The following MAPK10 variants were observed in gnomAD, a reference collection of about 807,000 sequenced individuals.
MAPK10 encodes mitogen-activated protein kinase 10, also known as JNK3 alpha protein kinase.
In MAPK10, 25 loss-of-function variants were observed where a neutral mutation model predicts 59.3. That is an observed-to-expected ratio of 0.42 (90% CI 0.31 to 0.59). The LOEUF (loss-of-function observed/expected upper bound fraction) is 0.59. Among genes scored for constraint, MAPK10 ranks in the 20% least tolerant of loss-of-function variants. The pLI, the probability that MAPK10 is intolerant of heterozygous loss-of-function variation, is 0.15. For synonymous variants in MAPK10, 190 were observed against 200.5 expected, an observed-to-expected ratio of 0.95 and a Z score of 0.44; for missense variants, 351 against 568.9, an observed-to-expected ratio of 0.62 and a Z score of 3.90.
At chr4:86,413,357 A>G (rs1171738004) in intron 1 of MAPK10, among the ~76,000 whole-genome samples, 1 of 152,154 alleles carries the variant, frequency 6.6e-6, no homozygotes, top group Non-Finnish European at 1.5e-5. Flanking sequence ...CAGGCTACAC[A>G]GGGGCCAGGG....
Position 86,017,434 on chromosome 4 carries a change from C to T in MAPK10, c.1253-64G>A. 1 of 1,581,766 alleles carries T rather than the reference C, an allele frequency of 6.3e-7. No individual in the cohort carries two copies. Among genetic ancestry groups the T allele is most frequent in the Non-Finnish European group, 8.7e-7 (1 of 1,155,596 alleles). ...GAACCAGACCCATCTTAATGCCATT[C>T]AGGATTCAGGGATGGGCAAATACAA... is the stretch of plus-strand genomic sequence containing the variant. On this transcript the variant is annotated intron_variant, in intron 13 of 13. Coordinates refer to ENST00000641462, the MANE Select transcript of MAPK10 (RefSeq NM_138982.4). This position sits in a 1 kb window ranked among gnomAD's most constrained non-coding sequence, Gnocchi z 4.4.
intron 1 of MAPK10, among the ~76,000 whole-genome samples, chr4:86,574,506 G>C (rs1228578309): frequency 6.6e-6 from 1 of 151,784 alleles, no homozygotes; most frequent in Non-Finnish European, 1.5e-5. Context: ...GGCTGAACTA[G>C]TTTACAGTCC....
At chr4:86,397,012 T>G (rs1743032183) in intron 1 of MAPK10, among the ~76,000 whole-genome samples, 1 of 152,152 alleles carries the variant, frequency 6.6e-6, no homozygotes, top group African/African-American at 2.4e-5. Context: ...AAATTAAAAT[T>G]ACATATGTGG....
chr4:86,167,855 A>G (rs1474912171), intron 3 of MAPK10, among the ~76,000 whole-genome samples: 1 of 152,210 alleles, frequency 6.6e-6, no homozygotes, highest in Non-Finnish European at 1.5e-5. Flanking sequence ...CCTATTAAAC[A>G]TAGCAATGGA....
chr4:86,404,101 T>G (rs1402138030), intron 1 of MAPK10, among the ~76,000 whole-genome samples: 1 of 152,182 alleles, frequency 6.6e-6, no homozygotes, highest in Non-Finnish European at 1.5e-5. Flanking sequence ...TATTGTGAAC[T>G]CCCCAGATTA....
In MAPK10 at chr4:86,425,425, T is replaced by C. The variant is rs555195142; in HGVS notation, c.-122+27605A>G. Among the ~76,000 whole-genome samples the C allele has an allele frequency of 6.3e-5, 8 of 126,256 alleles. No individual in the cohort carries two copies. In the South Asian group the frequency reaches 2.0e-3, roughly 31 times the overall value. 82.8% of individuals were successfully genotyped at this position (126,256 alleles called of 152,430 possible). A position where few individuals can be genotyped will look rare whatever the true frequency, so the allele number is the denominator to read the frequency against. The stretch of plus-strand genomic sequence containing the variant: ...AAAATGACTCCAGGTAATTTTCTAT[T>C]TTTCTGTATTAAAAAAAAACTTTAG... On this transcript the variant is annotated intron_variant, in intron 1 of 13. Coordinates refer to the MAPK10 transcript ENST00000361569.
At chr4:86,256,660 T>C (rs547640832) in intron 2 of MAPK10, among the ~76,000 whole-genome samples, 1 of 152,096 alleles carries the variant, frequency 6.6e-6, no homozygotes, top group East Asian at 1.9e-4. Context: ...TGTCAGTGAT[T>C]TGAAACTCAA....
chr4:86,535,326 T>C lies in MAPK10; in HGVS notation c.-263+58584A>G, dbSNP rs532708185. On this transcript the variant is annotated intron_variant, in intron 1 of 4. Transcript: ENST00000502302. ...GACAGTTTTAACAATTCATTCAAAA[T>C]GGGCAACCCAAGCATCACATGAAGA... is the stretch of plus-strand genomic sequence containing the variant. 3.3e-5 allele frequency among the ~76,000 whole-genome samples: 5 copies of C among 152,324 alleles called. No individual in the cohort carries two copies. In the East Asian group the frequency reaches 9.6e-4, roughly 29 times the overall value.
chr4:86,145,662 T>G (rs1562304628), intron 4 of MAPK10, among the ~76,000 whole-genome samples: 1 of 152,180 alleles, frequency 6.6e-6, no homozygotes, highest in Non-Finnish European at 1.5e-5. Context: ...GTGTGTTCTC[T>G]CTTCCTCTTC....
At chr4:86,223,824 C>T (rs1039286966) in intron 2 of MAPK10, among the ~76,000 whole-genome samples, 1 of 152,192 alleles carries the variant, frequency 6.6e-6, no homozygotes, top group African/African-American at 2.4e-5. Flanking sequence ...AAATCCCAAG[C>T]GAGTCTCTTT....
intron 1 of MAPK10, among the ~76,000 whole-genome samples, chr4:86,484,400 TCTCA>T: frequency 6.6e-6 from 1 of 151,812 alleles, no homozygotes; most frequent in Non-Finnish European, 1.5e-5. Flanking sequence ...TTCGTAATGT[TCTCA>T]CTTTCTCATC....
At chr4:86,427,962 A>G (rs1288724327) in intron 1 of MAPK10, among the ~76,000 whole-genome samples, 1 of 152,176 alleles carries the variant, frequency 6.6e-6, no homozygotes, top group East Asian at 1.9e-4. Flanking sequence ...AAAAGACAAA[A>G]TTACAATAAA....
intron 4 of MAPK10, among the ~76,000 whole-genome samples, chr4:86,147,655 A>G (rs1191688058): frequency 1.3e-5 from 2 of 152,218 alleles, no homozygotes; most frequent in Non-Finnish European, 2.9e-5. Context: ...ATTTGTATCA[A>G]GTCCTCAGAT....
At chr4:86,552,571 TAAAAA>T (rs913752700) in intron 1 of MAPK10, among the ~76,000 whole-genome samples, 1 of 145,934 alleles carries the variant, frequency 6.9e-6, no homozygotes, top group African/African-American at 2.5e-5. Context: ...TAGAATAAAA[TAAAAA>T]GGAAAGAATA....
intron 1 of MAPK10, among the ~76,000 whole-genome samples, chr4:86,463,616 T>C (rs1220340455): frequency 6.6e-6 from 1 of 152,184 alleles, no homozygotes; most frequent in Non-Finnish European, 1.5e-5. Flanking sequence ...GGGACCTTAG[T>C]AAATGATATT....
intron 1 of MAPK10, among the ~76,000 whole-genome samples, chr4:86,546,556 TAA>T (rs11386733): frequency 2.2e-5 from 3 of 136,960 alleles, no homozygotes; most frequent in Non-Finnish European, 3.1e-5. Context: ...AAACTCCTTC[TAA>T]AAAAAAAAAA....
At chr4:86,535,824 T>A (rs564722984) in intron 1 of MAPK10, among the ~76,000 whole-genome samples, 6 of 152,186 alleles carry the variant, frequency 3.9e-5, no homozygotes, top group Non-Finnish European at 8.8e-5. Flanking sequence ...GGGCTGAAAT[T>A]TCAAAATGTT....
At chr4:86,044,325 G>A (rs2042122515) in intron 11 of MAPK10, among the ~76,000 whole-genome samples, 1 of 152,132 alleles carries the variant, frequency 6.6e-6, no homozygotes, top group African/African-American at 2.4e-5. Context: ...TAAAAATACT[G>A]CTGCCTAGAT....
chr4:86,158,022 A>T (rs2068362898), intron 4 of MAPK10, among the ~76,000 whole-genome samples: 1 of 151,888 alleles, frequency 6.6e-6, no homozygotes, highest in African/African-American at 2.4e-5. Context: ...GTAGCCAGAA[A>T]CTACTCTTTT....
Sources: allele counts gnomAD v4.1 joint callset (sites outside exome capture counted in the v4.1 genomes callset), GRCh38; gene constraint gnomAD v4.1.1; non-coding constraint Gnocchi (gnomAD v3.1); transcripts MANE v1.5; gene names NCBI Gene and HGNC (gene_info 2026-07-23, HGNC 2026-07-21).